Variants in ERCC8 observed in about 807,000 individuals in gnomAD.
The protein encoded by ERCC8 is ERCC excision repair 8, CSA ubiquitin ligase complex subunit, also known as DNA excision repair protein ERCC-8.
ERCC8 carries 52 observed loss-of-function variants against 54.9 expected under a neutral mutation model. The ratio of observed to expected loss-of-function variants is 0.95; its 90% confidence interval spans 0.76 to 1.19. The LOEUF (loss-of-function observed/expected upper bound fraction) is 1.19, where lower values mean the gene tolerates loss of function less well. Among genes scored for constraint, ERCC8 ranks in the 50% most tolerant of loss-of-function variants. The pLI is 0.00. For missense variants in ERCC8, 514 were observed against 466.1 expected (o/e 1.10, Z -0.95); for synonymous variants, 146 against 157.2 (o/e 0.93, Z 0.53).
intron 1 of ERCC8, among the ~76,000 whole-genome samples, chr5:60,939,615 G>C (rs1213953357): frequency 6.6e-6 from 1 of 152,044 alleles, no homozygotes; most frequent in Non-Finnish European, 1.5e-5. Context: ...CACGTGAGTA[G>C]CTGGGATTAC....
chr5:60,887,528 A>G lies in ERCC8; in HGVS notation c.1042-8T>C, dbSNP rs1579992162. On this transcript the variant is annotated splice_polypyrimidine_tract_variant and splice_region_variant and intron_variant, in intron 10 of 11. Transcript: ENST00000676185. ...GCTACCACTATAAAGTTCCTATAACATAGAAGGCAAAGATGATACTGTGGA... is the reference window on the plus strand; with the variant it reads ...GCTACCACTATAAAGTTCCTATAACGTAGAAGGCAAAGATGATACTGTGGA... 2 of 1,607,044 alleles carry G rather than the reference A, an allele frequency of 1.2e-6. No homozygotes were observed. The highest frequency in any genetic ancestry group is 1.7e-6 in the Non-Finnish European group (2 of 1,173,590).
In ERCC8 at chr5:60,869,074, G is replaced by A. The variant is rs1019783602; in HGVS notation, c.*5541C>T. Among the ~76,000 whole-genome samples the A allele has an allele frequency of 2.6e-5, 4 of 151,948 alleles. No individual in the cohort carries two copies. Among genetic ancestry groups the A allele is most frequent in the Non-Finnish European group, 4.4e-5 (3 of 67,992 alleles). Reference sequence around the variant, plus strand: ...GGCTCAATAATTAGCACCTGAACATGGAAAACATTAAATTAAAAAAATGGA... The same window carrying A: ...GGCTCAATAATTAGCACCTGAACATAGAAAACATTAAATTAAAAAAATGGA... On this transcript the variant is annotated 3_prime_UTR_variant, in exon 12 of 12. Transcript: ENST00000676185.
intron 1 of ERCC8, among the ~76,000 whole-genome samples, chr5:60,938,048 CATATATATATATATATATATAT>C (rs1170248858): frequency 1.8e-3 from 42 of 23,396 alleles, no homozygotes; most frequent in South Asian, 8.4e-3. Context: ...TACATACATA[CATATATATATATATATATATAT>C]ATATATATAT....
In ERCC8 at chr5:60,879,689, T is replaced by C. The variant is rs184144167; in HGVS notation, c.1123-5006A>G. ...TTTATCAGAGACTAGGATTACAACC[T>C]CTGCCTTTTTTTGTTTTCCATTTGC... is the stretch of plus-strand genomic sequence containing the variant. On this transcript the variant is annotated intron_variant, in intron 11 of 11. Coordinates refer to ENST00000676185, the MANE Select transcript of ERCC8 (RefSeq NM_000082.4). 9.5e-4 allele frequency among the ~76,000 whole-genome samples: 145 copies of C among 152,018 alleles called. 2 individuals carry two copies. The highest frequency in any genetic ancestry group is 3.3e-3 in the African/African-American group (137 of 41,526).
chr5:60,892,617 T>C (rs1748597678), intron 9 of ERCC8: 2 of 665,812 alleles, frequency 3.0e-6, no homozygotes, highest in Non-Finnish European at 5.6e-6. Context: ...AGAGAGAAGG[T>C]AATAGTTGGA....
rs548247342 is a variant in ERCC8, at chr5:60,898,990, GAATGAACTATATAA to G, written c.719-604_719-591del. Among the ~76,000 whole-genome samples the G allele has an allele frequency of 1.6e-3, 224 of 143,030 alleles. 4 individuals are homozygous for G. Among genetic ancestry groups the G allele is most frequent in the Non-Finnish European group, 1.2e-4 (8 of 64,848 alleles). The allele number at this position is 143,030 out of a possible 152,430, so 93.8% of individuals were successfully genotyped here. ...AAATTCTAATATATGAAATATATTA[GAATGAACTATATAA>G]AACCTATGATTGTTTTATATAGTTT... On this transcript the variant is annotated intron_variant, in intron 8 of 11. Transcript: ENST00000676185.
At chr5:60,941,783 A>G (rs1281536661) in intron 1 of ERCC8, among the ~76,000 whole-genome samples, 1 of 152,238 alleles carries the variant, frequency 6.6e-6, no homozygotes, top group Non-Finnish European at 1.5e-5. Flanking sequence ...TATTCTTCAG[A>G]GACAAGAAAA....
rs150798373 is a variant in ERCC8, at chr5:60,935,797, A to G, written c.78-6838T>C. Among the ~76,000 whole-genome samples the G allele has an allele frequency of 4.7e-3, 715 of 152,244 alleles. 2 individuals are homozygous for G. The highest frequency in any genetic ancestry group is 0.016 in the African/African-American group (653 of 41,528). On this transcript the variant is annotated intron_variant, in intron 1 of 11. Transcript: ENST00000676185. ...TTTTTCTGCATCTATTGAGATAATC[A>G]TCTGATTTTTGTTTTTAATTCTGTT... is the stretch of plus-strand genomic sequence containing the variant.
At chr5:60,902,380 T>C (rs1001955880) in intron 7 of ERCC8, 62 bp downstream of exon 7, 4 of 1,209,784 alleles carry the variant, frequency 3.3e-6, no homozygotes, top group African/African-American at 3.0e-5. Flanking sequence ...TACATAAATG[T>C]AGACTTTTCA....
Position 60,885,725 on chromosome 5 carries a change from A to T in ERCC8, c.1122+1715T>A, listed in dbSNP as rs533702474. Among the ~76,000 whole-genome samples the T allele has an allele frequency of 2.0e-5, 3 of 152,250 alleles. No individual in the cohort carries two copies. The East Asian group carries it at 5.8e-4, about 29-fold the overall frequency. ...AAGGTATTTTTTTCTCTTTATTTGGATTAAGGACAAAAGAAAATAATTCAC... is the reference window on the plus strand; with the variant it reads ...AAGGTATTTTTTTCTCTTTATTTGGTTTAAGGACAAAAGAAAATAATTCAC... On this transcript the variant is annotated intron_variant, in intron 11 of 11. Transcript: ENST00000676185.
chr5:60,904,822 G>T lies in ERCC8; in HGVS notation c.451C>A (p.Pro151Thr), dbSNP rs1390774468. The T allele has an allele frequency of 1.2e-6, 2 of 1,600,962 alleles. No individual in the cohort carries two copies. The highest frequency in any genetic ancestry group is 1.7e-5 in the Admixed American group (1 of 59,838). Reference protein sequence around the residue: ...EETVYSHHMSPVSTKHCLVAV... With the variant: ...EETVYSHHMSTVSTKHCLVAV... ...ACCAAACAGTGCTTGGTGGAGACTG[G>T]AGACATATGATGACTATAAACTGTT... The change falls in exon 5 of 12, where the codon CCA (proline) becomes ACA (threonine). Residue 151 changes from proline to threonine, a missense_variant. By Grantham distance (38) the Pro-to-Thr change is conservative. Coordinates refer to ENST00000676185, the MANE Select transcript of ERCC8 (RefSeq NM_000082.4).
intron 1 of ERCC8, among the ~76,000 whole-genome samples, chr5:60,930,882 G>A (rs538444907): frequency 1.3e-4 from 20 of 152,210 alleles, no homozygotes; most frequent in Middle Eastern, 3.4e-3. Flanking sequence ...CAAGGAGGCC[G>A]GATCACTTGA....
intron 3 of ERCC8, among the ~76,000 whole-genome samples, chr5:60,920,898 T>C (rs1749581504): frequency 6.6e-6 from 1 of 151,848 alleles, no homozygotes; most frequent in Admixed American, 6.6e-5. Context: ...AGGATAAAAA[T>C]AAGATAAAAA....
At chr5:60,896,939 A>C (rs1748740864) in intron 9 of ERCC8, among the ~76,000 whole-genome samples, 3 of 152,160 alleles carry the variant, frequency 2.0e-5, no homozygotes, top group Non-Finnish European at 4.4e-5. Context: ...ACAAGCCTTT[A>C]GTGGCTTTCC....
intron 1 of ERCC8, among the ~76,000 whole-genome samples, chr5:60,933,455 G>T (rs1453320100): frequency 6.6e-6 from 1 of 152,008 alleles, no homozygotes; most frequent in Non-Finnish European, 1.5e-5. Flanking sequence ...CTGACTGCAG[G>T]TGATTCACCT....
intron 10 of ERCC8, among the ~76,000 whole-genome samples, chr5:60,890,195 G>T (rs1748507231): frequency 6.6e-6 from 1 of 152,164 alleles, no homozygotes; most frequent in Admixed American, 6.6e-5. Context: ...GATTCAAAGT[G>T]ATAGTCTCCT....
At chr5:60,895,792 T>C (rs1748707252) in intron 9 of ERCC8, among the ~76,000 whole-genome samples, 1 of 152,206 alleles carries the variant, frequency 6.6e-6, no homozygotes, top group Non-Finnish European at 1.5e-5. Flanking sequence ...GATGGCCTTA[T>C]TCACATTTGT....
chr5:60,877,196 G>A (rs1357776541), intron 11 of ERCC8, among the ~76,000 whole-genome samples: 1 of 152,142 alleles, frequency 6.6e-6, no homozygotes, highest in African/African-American at 2.4e-5. Context: ...TTGTAGATAT[G>A]CAGCATTACT....
At chr5:60,923,212 T>C (rs1749651063) in intron 2 of ERCC8, among the ~76,000 whole-genome samples, 1 of 152,144 alleles carries the variant, frequency 6.6e-6, no homozygotes, top group Non-Finnish European at 1.5e-5. Context: ...CCTACAAAAT[T>C]ATTCTATTCA....
Sources: allele counts gnomAD v4.1 joint callset (sites outside exome capture counted in the v4.1 genomes callset), GRCh38; gene constraint gnomAD v4.1.1; transcripts MANE v1.5; gene names NCBI Gene and HGNC (gene_info 2026-07-23, HGNC 2026-07-21).